FNDC3A: variants seen among roughly 807,000 people sequenced by gnomAD.
The protein encoded by FNDC3A is fibronectin type III domain containing 3A, also known as fibronectin type-III domain-containing protein 3A.
In FNDC3A, 32 loss-of-function variants were observed where a neutral mutation model predicts 148.9. The ratio of observed to expected loss-of-function variants is 0.21; its 90% CI spans 0.16 to 0.29. The LOEUF (loss-of-function observed/expected upper bound fraction) is 0.29. FNDC3A is among the 10% of genes least tolerant of loss of function. The pLI is 1.00. For synonymous variants in FNDC3A, 472 were observed against 473.6 expected, an observed-to-expected ratio of 1.00 and a Z score of 0.04; for missense variants, 1,191 against 1,452.8, an observed-to-expected ratio of 0.82 and a Z score of 2.93.
chr13:49,025,448 G>A (rs1456502669), intron 2 of FNDC3A, among the ~76,000 whole-genome samples: 2 of 152,064 alleles, frequency 1.3e-5, no homozygotes, highest in East Asian at 1.9e-4. Flanking sequence ...TCTTTAACTA[G>A]TAAGCATAGT....
chr13:48,978,720 T>C (rs991046765), intron 1 of FNDC3A, among the ~76,000 whole-genome samples: 6 of 152,140 alleles, frequency 3.9e-5, no homozygotes, highest in African/African-American at 1.4e-4. Context: ...AAACTCACAA[T>C]ATTGTAATTC....
chr13:49,181,309 G>A (rs1006785770), intron 14 of FNDC3A, among the ~76,000 whole-genome samples: 2 of 152,194 alleles, frequency 1.3e-5, no homozygotes, highest in Non-Finnish European at 2.9e-5. Flanking sequence ...ATTAAGATGT[G>A]GAGCAATAGT....
At chr13:49,081,248 G>A (rs1314851489) in intron 3 of FNDC3A, among the ~76,000 whole-genome samples, 2 of 152,076 alleles carry the variant, frequency 1.3e-5, no homozygotes, top group Non-Finnish European at 2.9e-5. Flanking sequence ...TTCTACTTTG[G>A]TGTGATTCCA....
In FNDC3A at chr13:49,136,537, A is replaced by G. The variant is rs141169070; in HGVS notation, c.696A>G (p.Thr232=). The part of the protein sequence containing the change: ...IKGQIAGGIN[T]GSAKIKSGKG... The stretch of plus-strand genomic sequence containing the variant: ...GACAAATTGCTGGTGGTATAAACAC[A>G]GGATCAGCAAAAATCAAGTCTGGGA... Residue 232 remains threonine, a synonymous_variant, in exon 6 of 26, where the codon ACA becomes ACG. Transcript: ENST00000492622. 1.3e-3 allele frequency: 2,045 copies of G among 1,614,132 alleles called. No individual in the cohort carries two copies. Among genetic ancestry groups the G allele is most frequent in the Admixed American group, 1.8e-3 (106 of 60,026 alleles).
chr13:49,175,910 G>A (rs967920932), intron 13 of FNDC3A, among the ~76,000 whole-genome samples: 1 of 152,116 alleles, frequency 6.6e-6, no homozygotes, highest in African/African-American at 2.4e-5. Flanking sequence ...GCATGAAGGG[G>A]TATTGAATTT....
intron 2 of FNDC3A, among the ~76,000 whole-genome samples, chr13:49,055,473 GA>G (rs1340712436): frequency 6.6e-6 from 1 of 152,058 alleles, no homozygotes; most frequent in Non-Finnish European, 1.5e-5. Context: ...GAATTTAGGG[GA>G]AGCCAACCAG....
chr13:49,206,310 A>G (rs1488333927), intron 25 of FNDC3A, among the ~76,000 whole-genome samples: 2 of 145,778 alleles, frequency 1.4e-5, no homozygotes, highest in Non-Finnish European at 3.0e-5. Flanking sequence ...CTTGGATGCC[A>G]GGGGTGAACA....
chr13:49,096,280 A>T (rs184518422), intron 3 of FNDC3A, among the ~76,000 whole-genome samples: 109 of 152,110 alleles, frequency 7.2e-4, no homozygotes, highest in African/African-American at 2.4e-3. Context: ...TAAAATTATG[A>T]CTCTACCAGA....
At chr13:49,027,193 C>A (rs1873777969) in intron 2 of FNDC3A, among the ~76,000 whole-genome samples, 1 of 152,120 alleles carries the variant, frequency 6.6e-6, no homozygotes, top group Non-Finnish European at 1.5e-5. Flanking sequence ...ATCTTCTGAT[C>A]CCCCAGTCTC....
intron 17 of FNDC3A, among the ~76,000 whole-genome samples, chr13:49,190,187 A>G (rs1885811872): frequency 1.3e-5 from 2 of 152,158 alleles, no homozygotes; most frequent in Admixed American, 6.5e-5. Flanking sequence ...CGCCCGGCCC[A>G]GTGTGGCATT....
At chr13:49,163,449 A>G (rs1038867809) in intron 8 of FNDC3A, among the ~76,000 whole-genome samples, 16 of 152,188 alleles carry the variant, frequency 1.1e-4, no homozygotes, top group African/African-American at 3.9e-4. Flanking sequence ...CAGGCCCTGG[A>G]TATAATCTCC....
At chr13:49,125,526 A>G (rs1881639141) in intron 4 of FNDC3A, among the ~76,000 whole-genome samples, 2 of 152,176 alleles carry the variant, frequency 1.3e-5, no homozygotes, top group Non-Finnish European at 2.9e-5. Context: ...AGTAGGTTGC[A>G]AAAAGTAGAG....
chr13:49,029,650 A>G (rs959401912), intron 2 of FNDC3A, among the ~76,000 whole-genome samples: 8 of 152,336 alleles, frequency 5.3e-5, no homozygotes, highest in African/African-American at 1.9e-4. Context: ...GATCAACAAA[A>G]TTGCCAACCC....
intron 3 of FNDC3A, among the ~76,000 whole-genome samples, chr13:49,101,255 T>G (rs1879839097): frequency 6.6e-6 from 1 of 152,196 alleles, no homozygotes; most frequent in Admixed American, 6.5e-5. Flanking sequence ...CAGATTTCAT[T>G]GATCTTTCCT....
chr13:49,091,744 G>A (rs2181537), intron 3 of FNDC3A, among the ~76,000 whole-genome samples: 88,080 of 152,072 alleles, frequency 0.58, 27,162 homozygotes, highest in Non-Finnish European at 0.68. Flanking sequence ...GGGGAGAGAA[G>A]GCAGGGTGGC....
At chr13:49,165,715 T>C (rs1477083471) in intron 8 of FNDC3A, among the ~76,000 whole-genome samples, 1 of 152,162 alleles carries the variant, frequency 6.6e-6, no homozygotes, top group East Asian at 1.9e-4. Flanking sequence ...AGGTGGGTTC[T>C]TTGGCCTCTG....
chr13:49,073,704 A>T (rs1170187883), intron 2 of FNDC3A, among the ~76,000 whole-genome samples: 2 of 144,232 alleles, frequency 1.4e-5, no homozygotes, highest in Non-Finnish European at 3.0e-5. Context: ...ATGTATATAT[A>T]ATATATATGT....
chr13:48,979,778 G>C (rs190233600), intron 1 of FNDC3A, among the ~76,000 whole-genome samples: 118 of 151,956 alleles, frequency 7.8e-4, no homozygotes, highest in African/African-American at 2.3e-3. Flanking sequence ...AAATATTTTA[G>C]GTTTTGCAGG....
intron 3 of FNDC3A, among the ~76,000 whole-genome samples, chr13:49,113,312 G>A (rs573856175): frequency 2.7e-3 from 13 of 4,814 alleles, no homozygotes; most frequent in East Asian, 0.038. Flanking sequence ...AGTATTTTCC[G>A]TCACCCCGTT....
Sources: allele counts gnomAD v4.1 joint callset (sites outside exome capture counted in the v4.1 genomes callset), GRCh38; gene constraint gnomAD v4.1.1; transcripts MANE v1.5; gene names NCBI Gene and HGNC (gene_info 2026-07-23, HGNC 2026-07-21).